The following VWA3A variants were observed in gnomAD, a reference collection of about 807,000 sequenced individuals.
VWA3A encodes von Willebrand factor A domain containing 3A.
A neutral mutation model predicts 160.4 loss-of-function variants in VWA3A; 134 were observed. The observed-to-expected ratio is 0.84, with a 90% CI of 0.73 to 0.96. VWA3A has a LOEUF of 0.96. VWA3A is among the 40% of genes least tolerant of loss of function. The pLI is 0.00. For synonymous variants in VWA3A, 476 were observed against 543.4 expected (o/e 0.88, Z 1.72); for missense variants, 1,310 against 1,447.9 (o/e 0.90, Z 1.55).
Position 22,144,388 on chromosome 16 carries a change from A to G in VWA3A, c.2730+4A>G. ...CTTCCCCAGCGTTGAGATCCATGTA[A>G]GTCACAATTTTCATCATCGTCTTTT... is the stretch of plus-strand genomic sequence containing the variant. On this transcript the variant is annotated splice_donor_region_variant and intron_variant, in intron 26 of 33. Coordinates refer to ENST00000389398, the MANE Select transcript of VWA3A (RefSeq NM_173615.5). 1 of 1,610,772 alleles carries G rather than the reference A, an allele frequency of 6.2e-7. No individual in the cohort carries two copies. Among genetic ancestry groups the G allele is most frequent in the Non-Finnish European group, 8.5e-7 (1 of 1,179,210 alleles).
At position 22,110,874 on chromosome 16, in the gene VWA3A, C is replaced by G. The variant is rs199809517; in HGVS notation, c.583-14C>G. On this transcript the variant is annotated splice_polypyrimidine_tract_variant and intron_variant, in intron 7 of 33. Transcript: ENST00000389398. Reference sequence around the variant, plus strand: ...CCTGGCTGTGGGAGCCAGTGATGTCCTTTTGTCCAACAGAGCCTCATCGAT... The same window carrying G: ...CCTGGCTGTGGGAGCCAGTGATGTCGTTTTGTCCAACAGAGCCTCATCGAT... 1.4e-5 allele frequency: 22 copies of G among 1,594,158 alleles called. No individual in the cohort carries two copies. The highest frequency in any genetic ancestry group is 1.9e-5 in the Non-Finnish European group (22 of 1,170,874).
At chr16:22,096,085 G>A (rs2045316696) in intron 1 of VWA3A, among the ~76,000 whole-genome samples, 1 of 152,162 alleles carries the variant, frequency 6.6e-6, no homozygotes, top group Non-Finnish European at 1.5e-5. Flanking sequence ...TTGGGAAAAA[G>A]TGAGGAGGGA....
rs535674256 is a variant in VWA3A at position 22,154,725 on chromosome 16, C to T, written c.3406-842C>T. The stretch of plus-strand genomic sequence containing the variant: ...ATCCCAGCACTTTGGGACGCCGAGG[C>T]GGGTGGATCATGAGGTCAGGAGATC... On this transcript the variant is annotated intron_variant, in intron 31 of 33. Coordinates refer to ENST00000389398, the MANE Select transcript of VWA3A (RefSeq NM_173615.5). Among the ~76,000 whole-genome samples, 131 of 149,254 alleles carry T rather than the reference C, an allele frequency of 8.8e-4. 3 individuals carry two copies. The South Asian group carries it at 0.026, about 30-fold the overall frequency.
At chr16:22,128,566 A>G (rs563684126) in intron 17 of VWA3A, among the ~76,000 whole-genome samples, 1 of 152,340 alleles carries the variant, frequency 6.6e-6, no homozygotes, top group South Asian at 2.1e-4. Context: ...TCAAAGTAGC[A>G]ATCCCATCCC....
intron 31 of VWA3A, among the ~76,000 whole-genome samples, chr16:22,153,053 A>C (rs1393736494): frequency 3.9e-5 from 6 of 152,194 alleles, no homozygotes; most frequent in Non-Finnish European, 8.8e-5. Context: ...AAGGTTTAAG[A>C]ATACACCTAA....
intron 16 of VWA3A, among the ~76,000 whole-genome samples, chr16:22,125,044 T>C (rs1025807181): frequency 1.3e-5 from 2 of 152,062 alleles, no homozygotes. Context: ...ACCTAATTCC[T>C]TATGTTACTT....
chr16:22,112,900 T>C (rs758288914), intron 8 of VWA3A, among the ~76,000 whole-genome samples: 1 of 152,228 alleles, frequency 6.6e-6, no homozygotes, highest in Non-Finnish European at 1.5e-5. Context: ...AAGTCCCTTA[T>C]AACTCTCTCA....
At chr16:22,142,626 A>G (rs1351739013) in intron 24 of VWA3A, 42 bp from the exon 25 acceptor site, 8 of 1,481,246 alleles carry the variant, frequency 5.4e-6, no homozygotes, top group Middle Eastern at 1.7e-4. Context: ...CAGGGGCTCA[A>G]CCATCCAAAC....
At chr16:22,136,977 G>C (rs1460599280) in intron 21 of VWA3A, among the ~76,000 whole-genome samples, 2 of 152,028 alleles carry the variant, frequency 1.3e-5, no homozygotes, top group African/African-American at 4.8e-5. Flanking sequence ...GGGAGGCTGA[G>C]GCAGGAGAAT....
At chr16:22,093,436 T>C (rs1901409505) in intron 1 of VWA3A, among the ~76,000 whole-genome samples, 1 of 152,136 alleles carries the variant, frequency 6.6e-6, no homozygotes, top group Non-Finnish European at 1.5e-5. Context: ...ACCTCTCTAA[T>C]AAGATTTCAT....
intron 31 of VWA3A, 75 bp from the exon 32 acceptor site, chr16:22,155,492 A>C: frequency 7.4e-7 from 1 of 1,353,740 alleles, no homozygotes; most frequent in Non-Finnish European, 1.1e-6. Flanking sequence ...ATTAGCTCTA[A>C]AATGCTTTTC....
At chr16:22,099,936 G>A (rs371398131) in intron 3 of VWA3A, among the ~76,000 whole-genome samples, 21 of 152,224 alleles carry the variant, frequency 1.4e-4, no homozygotes, top group South Asian at 1.0e-3. Flanking sequence ...TTAGCCAAGC[G>A]TGGTGGTGCA....
At chr16:22,097,495 C>T in intron 2 of VWA3A, 77 bp from the exon 3 acceptor site, 1 of 1,521,620 alleles carries the variant, frequency 6.6e-7, no homozygotes, top group Admixed American at 2.0e-5. Context: ...GGGACTAGGG[C>T]AAAGAGAGGA....
chr16:22,115,971 G>GGA (rs71769438), intron 9 of VWA3A, among the ~76,000 whole-genome samples: 5 of 60,638 alleles, frequency 8.2e-5, no homozygotes, highest in Admixed American at 3.5e-4. Context: ...AGGGAGGGAG[G>GGA]GAGAGAGAGA....
chr16:22,100,494 G>A lies in VWA3A; in HGVS notation c.428+1G>A. 6.4e-7 allele frequency: 1 copy of A among 1,551,466 alleles called. No homozygotes were observed. Among genetic ancestry groups the A allele is most frequent in the East Asian group, 2.4e-5 (1 of 40,912 alleles). ...GCCATTTTGAGTCAAAGCTTTCTGA[G>A]TAAGTATGTTTCTCACTGTCCTCCC... On this transcript the variant is annotated splice_donor_variant, in intron 5 of 33. Transcript: ENST00000389398. LOFTEE classifies it high-confidence loss of function.
At chr16:22,126,366 G>A in intron 17 of VWA3A, 69 bp downstream of exon 17, 4 of 1,567,602 alleles carry the variant, frequency 2.6e-6, no homozygotes, top group Non-Finnish European at 8.6e-7. Flanking sequence ...TTGGGCTGAG[G>A]CTTTGGACGT....
intron 12 of VWA3A, among the ~76,000 whole-genome samples, 191 bp downstream of exon 12, chr16:22,119,218 G>C (rs2045694906): frequency 6.6e-6 from 1 of 152,146 alleles, no homozygotes; most frequent in Non-Finnish European, 1.5e-5. Context: ...GGCCCACCAT[G>C]GTACCGGAAA....
chr16:22,138,047 C>T (rs2046075905), intron 21 of VWA3A, among the ~76,000 whole-genome samples: 1 of 152,148 alleles, frequency 6.6e-6, no homozygotes, highest in African/African-American at 2.4e-5. Context: ...TTGGTTTCCT[C>T]ATCTGTAAAA....
At chr16:22,151,624 T>C (rs1177759490) in intron 30 of VWA3A, among the ~76,000 whole-genome samples, 2 of 152,032 alleles carry the variant, frequency 1.3e-5, no homozygotes, top group Admixed American at 6.6e-5. Flanking sequence ...ATAATCCCAG[T>C]GCTTTGGGAG....
Sources: allele counts gnomAD v4.1 joint callset (sites outside exome capture counted in the v4.1 genomes callset), GRCh38; gene constraint gnomAD v4.1.1; transcripts MANE v1.5; gene names NCBI Gene and HGNC (gene_info 2026-07-23, HGNC 2026-07-21).